The following CCBE1 variants were observed in gnomAD, a reference collection of about 807,000 sequenced individuals.
CCBE1 encodes the protein collagen and calcium-binding EGF domain-containing protein 1.
CCBE1 carries 37 observed loss-of-function variants against 50.0 expected under a neutral mutation model. That is an observed-to-expected ratio of 0.74 (90% CI 0.57 to 0.97). The LOEUF is 0.97. Among genes scored for constraint, CCBE1 ranks in the 50% least tolerant of loss-of-function variants. The pLI, the probability that CCBE1 is intolerant of heterozygous loss-of-function variation, is 0.00. For synonymous variants in CCBE1, 234 were observed against 203.7 expected (o/e 1.15, Z -1.27); for missense variants, 538 against 523.8 (o/e 1.03, Z -0.26).
intron 2 of CCBE1, among the ~76,000 whole-genome samples, chr18:59,508,940 G>A (rs1401406036): frequency 6.6e-6 from 1 of 152,130 alleles, no homozygotes; most frequent in African/African-American, 2.4e-5. Flanking sequence ...GCCAATAAGT[G>A]AGTGCAGTTT....
chr18:59,457,228 A>G (rs1332439562), intron 5 of CCBE1, among the ~76,000 whole-genome samples: 4 of 152,072 alleles, frequency 2.6e-5, no homozygotes, highest in African/African-American at 4.8e-5. Flanking sequence ...ACTCCCTTCA[A>G]TTGGTGCACT....
chr18:59,540,575 T>C (rs762953043), intron 2 of CCBE1, among the ~76,000 whole-genome samples: 8 of 152,174 alleles, frequency 5.3e-5, no homozygotes, highest in Non-Finnish European at 1.2e-4. Context: ...ACTGCAGTGG[T>C]TTAGTCCTCT....
chr18:59,450,154 T>A (rs1910863763), intron 6 of CCBE1, among the ~76,000 whole-genome samples: 1 of 152,204 alleles, frequency 6.6e-6, no homozygotes, highest in Non-Finnish European at 1.5e-5. Context: ...ATGCGTATCA[T>A]TTATCTCATA....
intron 2 of CCBE1, among the ~76,000 whole-genome samples, chr18:59,671,097 A>G (rs1223807978): frequency 6.6e-6 from 1 of 152,212 alleles, no homozygotes. Flanking sequence ...TACTTTAATG[A>G]TCATATTAAG....
chr18:59,458,321 A>T (rs1425716243), intron 5 of CCBE1, among the ~76,000 whole-genome samples: 1 of 152,264 alleles, frequency 6.6e-6, no homozygotes, highest in Non-Finnish European at 1.5e-5. Context: ...AATGCAAAGT[A>T]AGTGAGGATA....
chr18:59,670,716 G>C (rs12327271), intron 2 of CCBE1, among the ~76,000 whole-genome samples: 4,071 of 152,126 alleles, frequency 0.027, 174 homozygotes, highest in African/African-American at 0.093. Flanking sequence ...GGGAGGCCGA[G>C]GCGGGAGGAT....
At chr18:59,565,421 G>A (rs1208040935) in intron 2 of CCBE1, among the ~76,000 whole-genome samples, 1 of 152,212 alleles carries the variant, frequency 6.6e-6, no homozygotes, top group Non-Finnish European at 1.5e-5. Flanking sequence ...GTGGTACGAG[G>A]TAGACAAAGG....
At chr18:59,632,191 A>C (rs2564469) in intron 2 of CCBE1, among the ~76,000 whole-genome samples, 16,110 of 152,232 alleles carry the variant, frequency 0.11, 910 homozygotes, top group East Asian at 0.15. Flanking sequence ...CAAGGCCCCC[A>C]AAAATGGCAC....
intron 1 of CCBE1, 62 bp downstream of exon 1, chr18:59,697,150 C>A: frequency 1.3e-6 from 2 of 1,544,736 alleles, no homozygotes; most frequent in South Asian, 1.2e-5. Context: ...ACCGCCCGCA[C>A]CCCGCGAGCC....
chr18:59,568,936 C>T (rs988068674), intron 2 of CCBE1, among the ~76,000 whole-genome samples: 3 of 152,204 alleles, frequency 2.0e-5, no homozygotes, highest in African/African-American at 4.8e-5. Context: ...CTCCCACCTG[C>T]CACCTCCACC....
At chr18:59,442,451 G>A (rs1202398557) in intron 7 of CCBE1, among the ~76,000 whole-genome samples, 1 of 152,176 alleles carries the variant, frequency 6.6e-6, no homozygotes, top group Non-Finnish European at 1.5e-5. Context: ...ATTGGGGCCA[G>A]GTGCGGTGGC....
chr18:59,679,144 C>T (rs1369996533), intron 2 of CCBE1, among the ~76,000 whole-genome samples: 2 of 152,134 alleles, frequency 1.3e-5, no homozygotes, highest in Non-Finnish European at 2.9e-5. Flanking sequence ...GTGGCTTCCC[C>T]ATACAGTGAT....
At chr18:59,660,209 C>T (rs1164605575) in intron 2 of CCBE1, among the ~76,000 whole-genome samples, 1 of 152,232 alleles carries the variant, frequency 6.6e-6, no homozygotes, top group Admixed American at 6.5e-5. Context: ...AAAAATAAAG[C>T]ATCATACACA....
intron 2 of CCBE1, among the ~76,000 whole-genome samples, chr18:59,528,879 G>T (rs909118071): frequency 6.6e-6 from 1 of 152,164 alleles, no homozygotes; most frequent in Admixed American, 6.5e-5. Flanking sequence ...TGATGCCAGT[G>T]GGAATGCTCC....
At chr18:59,554,012 G>A (rs1002253596) in intron 2 of CCBE1, among the ~76,000 whole-genome samples, 1 of 152,038 alleles carries the variant, frequency 6.6e-6, no homozygotes, top group African/African-American at 2.4e-5. Flanking sequence ...TGTACTTTTT[G>A]TTTTTTTAGA....
chr18:59,490,221 G>A (rs1377697039), intron 2 of CCBE1, among the ~76,000 whole-genome samples: 1 of 152,004 alleles, frequency 6.6e-6, no homozygotes, highest in Non-Finnish European at 1.5e-5. Context: ...CTGACCTCAG[G>A]TGATCTGCCT....
At chr18:59,643,989 A>G (rs527412726) in intron 2 of CCBE1, among the ~76,000 whole-genome samples, 40 of 152,250 alleles carry the variant, frequency 2.6e-4, no homozygotes, top group African/African-American at 7.7e-4. Flanking sequence ...AGCCTCCCAC[A>G]GGATTAGCAG....
At chr18:59,453,807 T>C (rs1911052119) in intron 6 of CCBE1, among the ~76,000 whole-genome samples, 1 of 152,194 alleles carries the variant, frequency 6.6e-6, no homozygotes, top group East Asian at 1.9e-4. Context: ...TCTGAGTCCC[T>C]GACAAACTAG....
At chr18:59,539,747 C>A (rs937481330) in intron 2 of CCBE1, among the ~76,000 whole-genome samples, 3 of 152,264 alleles carry the variant, frequency 2.0e-5, no homozygotes, top group Non-Finnish European at 4.4e-5. Flanking sequence ...TGAAAAATTC[C>A]TTTTCTCCCA....
Sources: gnomAD v4.1 joint callset for allele counts (sites outside exome capture counted in the v4.1 genomes callset) on GRCh38, gnomAD v4.1.1 for gene constraint, MANE v1.5 for transcripts, NCBI Gene and HGNC (gene_info 2026-07-23, HGNC 2026-07-21) for gene names.